The following HMG20A variants were observed in gnomAD, a reference collection of about 807,000 sequenced individuals.
HMG20A encodes the protein high mobility group 20A, also known as high mobility group protein 20A.
Under a neutral mutation model 43.9 loss-of-function variants are expected in HMG20A, and 17 were observed. The ratio of observed to expected loss-of-function variants is 0.39; its 90% CI spans 0.27 to 0.58. The LOEUF is 0.58. Ranked by LOEUF, HMG20A falls within the 20% of genes least tolerant of loss-of-function variation. HMG20A has a pLI of 0.59. For missense variants in HMG20A, 341 were observed against 438.2 expected, an observed-to-expected ratio of 0.78 and a Z score of 1.98; for synonymous variants, 132 against 147.5, an observed-to-expected ratio of 0.89 and a Z score of 0.76.
chr15:77,471,524 G>A (rs952292827), intron 5 of HMG20A, among the ~76,000 whole-genome samples: 6 of 152,152 alleles, frequency 3.9e-5, no homozygotes, highest in Admixed American at 2.6e-4. Flanking sequence ...TGTGTCTTCT[G>A]TCCACTCTTC....
intron 1 of HMG20A, among the ~76,000 whole-genome samples, chr15:77,449,999 T>C (rs2073718101): frequency 6.6e-6 from 1 of 152,374 alleles, no homozygotes. Flanking sequence ...CTCCATACTT[T>C]TGCTTATCCA....
At chr15:77,466,392 TTAAAA>T (rs1230957388) in intron 3 of HMG20A, among the ~76,000 whole-genome samples, 4 of 151,862 alleles carry the variant, frequency 2.6e-5, no homozygotes, top group African/African-American at 9.7e-5. Context: ...AAAAAAAAAA[TTAAAA>T]TAAAATGTAC....
chr15:77,516,750 G>A, the HMG20A span, among the ~76,000 whole-genome samples: 1 of 152,202 alleles, frequency 6.6e-6, no homozygotes, highest in Admixed American at 6.5e-5. Context: ...GGGGAAGAAG[G>A]GGAGTGGGGT....
chr15:77,441,321 C>T (rs2073610630), intron 1 of HMG20A, among the ~76,000 whole-genome samples: 1 of 152,032 alleles, frequency 6.6e-6, no homozygotes, highest in Non-Finnish European at 1.5e-5. Context: ...AAGTGCATAC[C>T]ATGCTTAGAG....
At chr15:77,500,159 G>C in the HMG20A span, among the ~76,000 whole-genome samples, 1 of 152,184 alleles carries the variant, frequency 6.6e-6, no homozygotes, top group East Asian at 1.9e-4. Flanking sequence ...TGAGATCATA[G>C]TTGTGGTAGT....
chr15:77,443,178 T>G (rs528971642), intron 1 of HMG20A, among the ~76,000 whole-genome samples: 39 of 150,078 alleles, frequency 2.6e-4, no homozygotes, highest in African/African-American at 9.0e-4. Context: ...GATTATAGGC[T>G]CCTGCCACCA....
chr15:77,449,898 A>G (rs371244999), intron 1 of HMG20A, among the ~76,000 whole-genome samples: 1 of 152,092 alleles, frequency 6.6e-6, no homozygotes, highest in African/African-American at 2.4e-5. Flanking sequence ...TGTATCCACC[A>G]TTGTATCACG....
At chr15:77,500,511 C>G in the HMG20A span, among the ~76,000 whole-genome samples, 1 of 152,086 alleles carries the variant, frequency 6.6e-6, no homozygotes, top group Non-Finnish European at 1.5e-5. Context: ...ATTATCACCA[C>G]TACCCATTAG....
At chr15:77,512,089 G>A in the HMG20A span, among the ~76,000 whole-genome samples, 2 of 152,188 alleles carry the variant, frequency 1.3e-5, no homozygotes, top group African/African-American at 4.8e-5. Flanking sequence ...TAAACAGGAA[G>A]GAAATTCTGA....
At chr15:77,460,377 A>G (rs1294152968) in intron 2 of HMG20A, among the ~76,000 whole-genome samples, 1 of 152,230 alleles carries the variant, frequency 6.6e-6, no homozygotes, top group South Asian at 2.1e-4. Context: ...GGCCAAAGCA[A>G]CTGGAGGGAT....
At chr15:77,471,960 G>T (rs923818821) in intron 6 of HMG20A, 146 bp downstream of exon 6, 3 of 527,962 alleles carry the variant, frequency 5.7e-6, no homozygotes, top group South Asian at 5.7e-5. Flanking sequence ...TTAGCTTGGG[G>T]GTTCTTAGCA....
At chr15:77,474,839 G>A (rs1162488571) in intron 6 of HMG20A, among the ~76,000 whole-genome samples, 1 of 152,018 alleles carries the variant, frequency 6.6e-6, no homozygotes, top group South Asian at 2.1e-4. Context: ...TTGAAATTCT[G>A]GCCCTGAGCC....
chr15:77,490,157 G>T (rs370689564), downstream of HMG20A, among the ~76,000 whole-genome samples: 3 of 152,020 alleles, frequency 2.0e-5, no homozygotes, highest in African/African-American at 7.2e-5. Flanking sequence ...ACGTGGTGGC[G>T]CGCATCTGTA....
At chr15:77,452,076 A>G (rs752614585) in intron 1 of HMG20A, among the ~76,000 whole-genome samples, 3 of 152,252 alleles carry the variant, frequency 2.0e-5, no homozygotes, top group Non-Finnish European at 4.4e-5. Context: ...TAAAAGACAC[A>G]TAATCTGCAA....
At chr15:77,433,345 A>G (rs1285831748) in intron 1 of HMG20A, among the ~76,000 whole-genome samples, 6 of 151,704 alleles carry the variant, frequency 4.0e-5, no homozygotes, top group African/African-American at 1.5e-4. Flanking sequence ...CTCTAAAAAA[A>G]AAAAAAAAAA....
chr15:77,472,698 T>G (rs1292934290), intron 6 of HMG20A, among the ~76,000 whole-genome samples: 1 of 152,384 alleles, frequency 6.6e-6, no homozygotes, highest in Admixed American at 6.5e-5. Context: ...TGTTTCTGTG[T>G]GTGTATGGGA....
intron 1 of HMG20A, 79 bp downstream of exon 1, chr15:77,421,083 G>T: frequency 2.5e-6 from 1 of 395,542 alleles, no homozygotes; most frequent in East Asian, 3.6e-5. Flanking sequence ...TCTTTTGGTG[G>T]TGGTGGTACT....
intron 1 of HMG20A, among the ~76,000 whole-genome samples, chr15:77,438,818 G>A (rs1461605068): frequency 6.6e-6 from 1 of 151,882 alleles, no homozygotes; most frequent in Non-Finnish European, 1.5e-5. Flanking sequence ...TTGAGACGGA[G>A]TCTCCTCTGT....
intron 1 of HMG20A, among the ~76,000 whole-genome samples, chr15:77,425,905 C>T (rs753388860): frequency 1.3e-5 from 2 of 151,970 alleles, no homozygotes; most frequent in Non-Finnish European, 2.9e-5. Context: ...AAACAAAATG[C>T]GATATAGCCA....
Sources: allele counts gnomAD v4.1 joint callset (sites outside exome capture counted in the v4.1 genomes callset), GRCh38; gene constraint gnomAD v4.1.1; transcripts MANE v1.5; gene names NCBI Gene and HGNC (gene_info 2026-07-23, HGNC 2026-07-21).